UBE3A: variants seen among roughly 807,000 people sequenced by gnomAD.
UBE3A encodes ubiquitin protein ligase E3A.
In UBE3A, 6 loss-of-function variants were observed where a neutral mutation model predicts 83.4. The ratio of observed to expected loss-of-function variants is 0.07; its 90% CI spans 0.04 to 0.14. The LOEUF is 0.14. Ranked by LOEUF, UBE3A falls within the 10% of genes least tolerant of loss-of-function variation. The pLI is 1.00. For synonymous variants in UBE3A, 337 were observed against 355.4 expected, an observed-to-expected ratio of 0.95 and a Z score of 0.58; for missense variants, 456 against 1,036.1, an observed-to-expected ratio of 0.44 and a Z score of 7.69.
At position 25,342,621 on chromosome 15, in the gene UBE3A, C is replaced by T. The variant is rs967679669; in HGVS notation, c.2355-2393G>A. 4.6e-5 allele frequency among the ~76,000 whole-genome samples: 7 copies of T among 151,060 alleles called. No homozygotes were observed. The East Asian group carries it at 9.7e-4, about 21-fold the overall frequency. On this transcript the variant is annotated intron_variant, in intron 11 of 12. Transcript: ENST00000648336. ...CTACTCACATCTCTAAAAATCTACC[C>T]GGATCAAAAAGGGGAAAATAAAAAA...
At chr15:25,397,607 C>T (rs1034306596) in intron 4 of UBE3A, among the ~76,000 whole-genome samples, 5 of 152,234 alleles carry the variant, frequency 3.3e-5, no homozygotes, top group African/African-American at 1.2e-4. Context: ...TTATGTGACT[C>T]CTAAAACTCC....
chr15:25,354,048 C>A, intron 11 of UBE3A: 1 of 419,980 alleles, frequency 2.4e-6, no homozygotes, highest in Non-Finnish European at 4.3e-6. Flanking sequence ...GACATGGTAG[C>A]CTTATTTTAA....
In UBE3A at chr15:25,336,735, A is replaced by G. The variant is rs1305918088; in HGVS notation, c.*2402T>C. 6.6e-6 allele frequency: 1 copy of G among 152,182 alleles called. No homozygotes were observed. Among genetic ancestry groups the G allele is most frequent in the East Asian group, 1.9e-4 (1 of 5,190 alleles). The allele number at this position is 152,182 out of a possible 1,614,324, so 9.4% of individuals were successfully genotyped here. A position where few individuals can be genotyped will look rare whatever the true frequency, so the allele number is the denominator to read the frequency against. On this transcript the variant is annotated 3_prime_UTR_variant, in exon 13 of 13. Coordinates refer to ENST00000648336, the MANE Select transcript of UBE3A (RefSeq NM_130839.5). ...AATGTTCTATAATAATAAAAGGTTA[A>G]AAAAGTTTACATTTATTTGGAAAAC...
intron 11 of UBE3A, among the ~76,000 whole-genome samples, chr15:25,345,236 A>C (rs1374278297): frequency 1.3e-5 from 2 of 152,118 alleles, no homozygotes; most frequent in Non-Finnish European, 2.9e-5. Flanking sequence ...GTTCTACAGG[A>C]TCTAATTTGC....
intron 6 of UBE3A, among the ~76,000 whole-genome samples, chr15:25,362,043 T>G (rs916543181): frequency 6.6e-6 from 1 of 152,210 alleles, no homozygotes; most frequent in African/African-American, 2.4e-5. Flanking sequence ...TTTAGTGGTT[T>G]GCAATCAGCA....
intron 1 of UBE3A, among the ~76,000 whole-genome samples, chr15:25,423,075 G>T (rs1890305697): frequency 6.6e-6 from 1 of 151,956 alleles, no homozygotes; most frequent in Admixed American, 6.6e-5. Context: ...AAGATGGACA[G>T]ATTTGCCTAC....
chr15:25,351,249 T>G (rs964552362), intron 11 of UBE3A, among the ~76,000 whole-genome samples: 14 of 152,128 alleles, frequency 9.2e-5, no homozygotes, highest in Non-Finnish European at 1.8e-4. Flanking sequence ...GTCATAGAGT[T>G]GATGAGAAAG....
intron 4 of UBE3A, chr15:25,391,709 G>A (rs2084433574): frequency 6.6e-6 from 1 of 152,158 alleles, no homozygotes; most frequent in Admixed American, 6.6e-5. Context: ...CATAGGACAA[G>A]TCTCTAAGAG....
At chr15:25,367,196 T>C (rs1242695485) in intron 6 of UBE3A, among the ~76,000 whole-genome samples, 1 of 122,146 alleles carries the variant, frequency 8.2e-6, no homozygotes, top group East Asian at 2.1e-4. Context: ...TGTAAATATT[T>C]ACATATTTGT....
chr15:25,341,074 ATTTT>A (rs559324409), intron 11 of UBE3A, among the ~76,000 whole-genome samples: 2 of 148,094 alleles, frequency 1.4e-5, no homozygotes, highest in Non-Finnish European at 1.5e-5. Flanking sequence ...AGCTAAATAA[ATTTT>A]TTTTTTTTTG....
chr15:25,428,818 T>A (rs1000060879), intron 1 of UBE3A, among the ~76,000 whole-genome samples: 16 of 152,148 alleles, frequency 1.1e-4, no homozygotes, highest in Admixed American at 7.2e-4. Context: ...CATGGGCATA[T>A]CCATTTAGGA....
At chr15:25,394,247 G>A (rs1047279881) in intron 4 of UBE3A, among the ~76,000 whole-genome samples, 1 of 152,148 alleles carries the variant, frequency 6.6e-6, no homozygotes, top group Non-Finnish European at 1.5e-5. Context: ...AAATTACAGA[G>A]TCTCAACAGA....
chr15:25,372,238 A>G (rs755938393), intron 5 of UBE3A, among the ~76,000 whole-genome samples: 1 of 152,136 alleles, frequency 6.6e-6, no homozygotes, highest in Non-Finnish European at 1.5e-5. Flanking sequence ...TTGTTTCAGT[A>G]CTCTGTTCTC....
intron 6 of UBE3A, among the ~76,000 whole-genome samples, chr15:25,367,517 G>A (rs986768011): frequency 6.6e-6 from 1 of 151,874 alleles, no homozygotes; most frequent in Non-Finnish European, 1.5e-5. Flanking sequence ...GGGTAGGGTG[G>A]GGGTGTTCTT....
At chr15:25,436,429 A>G (rs1895101747) in intron 1 of UBE3A, among the ~76,000 whole-genome samples, 1 of 152,214 alleles carries the variant, frequency 6.6e-6, no homozygotes, top group Admixed American at 6.5e-5. Flanking sequence ...GACATTTGGA[A>G]ACATCATTTC....
chr15:25,334,953 A>G lies in UBE3A; in HGVS notation c.*4184T>C, dbSNP rs192824553. 5.3e-5 allele frequency: 8 copies of G among 152,284 alleles called. No homozygotes were observed. The highest frequency in any genetic ancestry group is 8.8e-5 in the Non-Finnish European group (6 of 68,022). The allele number at this position is 152,284 out of a possible 1,614,324, so 9.4% of individuals were successfully genotyped here. A position where few individuals can be genotyped will look rare whatever the true frequency, so the allele number is the denominator to read the frequency against. On this transcript the variant is annotated 3_prime_UTR_variant, in exon 13 of 13. Transcript: ENST00000648336. ...GGTGGCAACACTGACAAGATAACAG[A>G]AAGATGGAGGTAATAACATGTGAAA... is the stretch of plus-strand genomic sequence containing the variant.
Position 25,404,255 on chromosome 15 carries a change from C to T in UBE3A, c.62+1206G>A, listed in dbSNP as rs188383479. Among the ~76,000 whole-genome samples, 343 of 152,102 alleles carry T rather than the reference C, an allele frequency of 2.3e-3. 3 individuals carry two copies. The highest frequency in any genetic ancestry group is 6.8e-3 in the Middle Eastern group (2 of 294). On this transcript the variant is annotated intron_variant, in intron 4 of 12. Coordinates refer to ENST00000648336, the MANE Select transcript of UBE3A (RefSeq NM_130839.5). ...TTTCAGTAAAAAAATCTTGATTTTTCCACCCTCACCCACAATTACAATTAA... is the reference window on the plus strand; with the variant it reads ...TTTCAGTAAAAAAATCTTGATTTTTTCACCCTCACCCACAATTACAATTAA...
intron 1 of UBE3A, among the ~76,000 whole-genome samples, chr15:25,436,140 C>T (rs1452605343): frequency 1.3e-5 from 2 of 152,152 alleles, no homozygotes; most frequent in Admixed American, 6.5e-5. Context: ...TTTATCCTTA[C>T]ATTTGGCAGT....
At chr15:25,429,940 G>A (rs1172787324) in intron 1 of UBE3A, among the ~76,000 whole-genome samples, 1 of 144,940 alleles carries the variant, frequency 6.9e-6, no homozygotes, top group East Asian at 2.0e-4. Flanking sequence ...AGGAGGCGGA[G>A]GCTGCAGTGA....
Sources: allele counts gnomAD v4.1 joint callset (sites outside exome capture counted in the v4.1 genomes callset), GRCh38; gene constraint gnomAD v4.1.1; transcripts MANE v1.5; gene names NCBI Gene and HGNC (gene_info 2026-07-23, HGNC 2026-07-21).